NFATC3: variants seen among roughly 807,000 people sequenced by gnomAD.
The protein encoded by NFATC3 is nuclear factor of activated T-cells, cytoplasmic 3.
Under a neutral mutation model 98.6 loss-of-function variants are expected in NFATC3, and 46 were observed. The observed-to-expected ratio is 0.47, with a 90% CI of 0.37 to 0.60. The LOEUF is 0.60. Among genes scored for constraint, NFATC3 ranks in the 20% least tolerant of loss-of-function variants. The probability of loss-of-function intolerance (pLI) is 0.00; values close to 1 mark genes in which losing one functional copy is unlikely to be tolerated. For synonymous variants in NFATC3, 512 were observed against 472.2 expected (o/e 1.08, Z -1.09); for missense variants, 1,256 against 1,295.5 (o/e 0.97, Z 0.47).
intron 1 of NFATC3, among the ~76,000 whole-genome samples, chr16:68,102,455 G>T (rs1482190303): frequency 1.4e-5 from 2 of 147,832 alleles, no homozygotes; most frequent in Non-Finnish European, 3.0e-5. Flanking sequence ...TTCTAAGTTA[G>T]ATATCATTTT....
chr16:68,184,901 G>A (rs1263186266), intron 8 of NFATC3, among the ~76,000 whole-genome samples: 1 of 152,108 alleles, frequency 6.6e-6, no homozygotes, highest in Non-Finnish European at 1.5e-5. Context: ...TAGCATTGTA[G>A]ACTTGATTGA....
At chr16:68,146,525 T>C (rs946245717) in intron 3 of NFATC3, among the ~76,000 whole-genome samples, 5 of 152,276 alleles carry the variant, frequency 3.3e-5, no homozygotes, top group Admixed American at 1.3e-4. Flanking sequence ...AAAAATGAAG[T>C]TTGTATTATT....
At chr16:68,156,616 G>C (rs1286507041) in intron 3 of NFATC3, among the ~76,000 whole-genome samples, 1 of 152,116 alleles carries the variant, frequency 6.6e-6, no homozygotes, top group Non-Finnish European at 1.5e-5. Context: ...AAAAACCTTT[G>C]ACAAAATTCA....
intron 9 of NFATC3, among the ~76,000 whole-genome samples, chr16:68,192,765 A>G (rs1412366982): frequency 6.6e-6 from 1 of 152,160 alleles, no homozygotes; most frequent in East Asian, 1.9e-4. Flanking sequence ...CAGGAGGCTG[A>G]GGTGGGAGGA....
At chr16:68,188,666 G>T (rs2040315560) in intron 8 of NFATC3, among the ~76,000 whole-genome samples, 1 of 152,128 alleles carries the variant, frequency 6.6e-6, no homozygotes, top group Non-Finnish European at 1.5e-5. Flanking sequence ...TCCAGTGAAG[G>T]GATGATCATT....
intron 4 of NFATC3, among the ~76,000 whole-genome samples, chr16:68,166,237 T>C (rs1311622754): frequency 6.6e-6 from 1 of 152,226 alleles, no homozygotes; most frequent in Non-Finnish European, 1.5e-5. Flanking sequence ...TTATTTTGCA[T>C]GATTCTTTGG....
At chr16:68,197,586 C>CT (rs1718132978) in intron 9 of NFATC3, among the ~76,000 whole-genome samples, 1 of 152,180 alleles carries the variant, frequency 6.6e-6, no homozygotes, top group Non-Finnish European at 1.5e-5. Flanking sequence ...GACCCTGTCT[C>CT]TGAGTATTTT....
chr16:68,196,847 A>G (rs566884339), intron 9 of NFATC3, among the ~76,000 whole-genome samples: 2 of 152,090 alleles, frequency 1.3e-5, no homozygotes, highest in African/African-American at 4.8e-5. Flanking sequence ...CCTGACCAAC[A>G]TGGAGAAACC....
chr16:68,157,162 AG>A (rs1191981102), intron 3 of NFATC3, among the ~76,000 whole-genome samples: 1 of 151,330 alleles, frequency 6.6e-6, no homozygotes. Flanking sequence ...AAAAAAAAAA[AG>A]GCATAGAAAA....
intron 9 of NFATC3, chr16:68,221,471 A>T (rs1342489492): frequency 4.4e-5 from 57 of 1,297,336 alleles, no homozygotes; most frequent in Non-Finnish European, 5.5e-5. Flanking sequence ...CTTGAGCATG[A>T]TTTTTGTTGT....
At chr16:68,155,035 T>G (rs928629206) in intron 3 of NFATC3, among the ~76,000 whole-genome samples, 2 of 152,244 alleles carry the variant, frequency 1.3e-5, no homozygotes, top group African/African-American at 4.8e-5. Flanking sequence ...ATTGCTTCTT[T>G]ATAAATGTTA....
intron 9 of NFATC3, among the ~76,000 whole-genome samples, chr16:68,211,054 C>G (rs886405578): frequency 6.6e-6 from 1 of 152,052 alleles, no homozygotes; most frequent in Non-Finnish European, 1.5e-5. Flanking sequence ...GTGTAAGCCA[C>G]TGTGCCTAGC....
At chr16:68,123,160 T>A (rs2036637579) in intron 2 of NFATC3, 39 bp downstream of exon 2, 1 of 1,554,712 alleles carries the variant, frequency 6.4e-7, no homozygotes, top group African/African-American at 1.4e-5. Context: ...TTTTTCATGT[T>A]TATGGGTCAT....
chr16:68,154,167 G>A lies in NFATC3; in HGVS notation c.1402-3702G>A, dbSNP rs139541131. Among the ~76,000 whole-genome samples the A allele has an allele frequency of 5.1e-3, 770 of 152,100 alleles. 8 individuals are homozygous for A. Among genetic ancestry groups the A allele is most frequent in the African/African-American group, 0.017 (701 of 41,504 alleles). On this transcript the variant is annotated intron_variant, in intron 3 of 9. Transcript: ENST00000346183. ...ACTCCTGGCCTCAAGCAGTCCTCCC[G>A]CCTCAGCCTCCCAAAGTGTTGAGAT...
At chr16:68,214,565 G>A in intron 9 of NFATC3, 1 of 666,848 alleles carries the variant, frequency 1.5e-6, no homozygotes, top group Non-Finnish European at 2.7e-6. Context: ...CATTATCTTT[G>A]GAACTACACT....
intron 6 of NFATC3, among the ~76,000 whole-genome samples, chr16:68,177,444 G>A (rs548306922): frequency 1.7e-4 from 26 of 151,996 alleles, no homozygotes; most frequent in Non-Finnish European, 3.5e-4. Context: ...TTTTGCATCT[G>A]GAGTTATATC....
At chr16:68,139,093 G>C (rs2037610013) in intron 3 of NFATC3, among the ~76,000 whole-genome samples, 1 of 152,116 alleles carries the variant, frequency 6.6e-6, no homozygotes, top group African/African-American at 2.4e-5. Context: ...GTCCTCAAGG[G>C]CCTTTCTCAC....
At chr16:68,204,773 T>C (rs1384933848) in intron 9 of NFATC3, among the ~76,000 whole-genome samples, 1 of 152,260 alleles carries the variant, frequency 6.6e-6, no homozygotes, top group Admixed American at 6.5e-5. Context: ...ATCCTTTTTT[T>C]GAGTTCCTTC....
chr16:68,150,412 T>TAAAAA (rs60606928), intron 3 of NFATC3, among the ~76,000 whole-genome samples: 2 of 81,074 alleles, frequency 2.5e-5, no homozygotes, highest in African/African-American at 8.1e-5. Flanking sequence ...CTTCTATATC[T>TAAAAA]AAAAAAAAAA....
Sources: allele counts gnomAD v4.1 joint callset (sites outside exome capture counted in the v4.1 genomes callset), GRCh38; gene constraint gnomAD v4.1.1; transcripts MANE v1.5; gene names NCBI Gene and HGNC (gene_info 2026-07-23, HGNC 2026-07-21).